The following DPYD variants were observed in gnomAD, a reference collection of about 807,000 sequenced individuals.
DPYD encodes the protein dihydropyrimidine dehydrogenase [NADP(+)].
A neutral mutation model predicts 116.2 loss-of-function variants in DPYD; 109 were observed. The ratio of observed to expected loss-of-function variants is 0.94; its 90% CI spans 0.80 to 1.10. DPYD has a LOEUF of 1.10. Ranked by LOEUF, DPYD falls within the 50% of genes least tolerant of loss-of-function variation. DPYD has a pLI of 0.00. For missense variants in DPYD, 1,302 were observed against 1,254.5 expected (o/e 1.04, Z -0.57); for synonymous variants, 440 against 432.0 (o/e 1.02, Z -0.23).
At chr1:97,910,932 T>C (rs1255276831) in intron 1 of DPYD, among the ~76,000 whole-genome samples, 1 of 152,082 alleles carries the variant, frequency 6.6e-6, no homozygotes, top group African/African-American at 2.4e-5. Flanking sequence ...ATTTTACTCT[T>C]ACATTAAAAT....
intron 2 of DPYD, among the ~76,000 whole-genome samples, chr1:97,833,777 G>A (rs945827931): frequency 6.6e-6 from 1 of 151,908 alleles, no homozygotes; most frequent in Non-Finnish European, 1.5e-5. Context: ...TTTATATGGT[G>A]AAATAGAAAA....
chr1:97,669,783 A>G (rs1057027653), intron 8 of DPYD, among the ~76,000 whole-genome samples: 4 of 152,174 alleles, frequency 2.6e-5, no homozygotes, highest in African/African-American at 9.6e-5. Context: ...TACTTTGGTA[A>G]GATTGTTCTA....
chr1:97,718,095 A>G (rs1427083246), intron 5 of DPYD, among the ~76,000 whole-genome samples: 2 of 152,040 alleles, frequency 1.3e-5, no homozygotes, highest in East Asian at 3.9e-4. Flanking sequence ...GCAATGTGAA[A>G]GTATTCCCTT....
chr1:97,644,606 GT>G, intron 8 of DPYD, among the ~76,000 whole-genome samples: 1 of 149,048 alleles, frequency 6.7e-6, no homozygotes, highest in Non-Finnish European at 1.5e-5. Context: ...CTTGTTTTTT[GT>G]TTTTTGTTTT....
At chr1:97,173,402 A>G (rs571608921) in intron 20 of DPYD, among the ~76,000 whole-genome samples, 5 of 150,188 alleles carry the variant, frequency 3.3e-5, no homozygotes, top group South Asian at 4.3e-4. Context: ...ATATGTGTGT[A>G]TATACGTACG....
intron 16 of DPYD, among the ~76,000 whole-genome samples, chr1:97,339,744 TTA>T (rs1478354226): frequency 1.3e-5 from 2 of 152,204 alleles, no homozygotes; most frequent in Non-Finnish European, 2.9e-5. Flanking sequence ...TTGTTTTAGT[TTA>T]TGTGATGATA....
chr1:97,847,079 G>A (rs1670335671), intron 2 of DPYD, among the ~76,000 whole-genome samples: 1 of 152,308 alleles, frequency 6.6e-6, no homozygotes, highest in Non-Finnish European at 1.5e-5. Context: ...CCAACGGATT[G>A]CCATGAATTT....
intron 12 of DPYD, among the ~76,000 whole-genome samples, chr1:97,537,822 G>C (rs948856587): frequency 3.9e-5 from 6 of 152,138 alleles, no homozygotes; most frequent in Admixed American, 3.9e-4. Context: ...TTGAAGAAAT[G>C]GAAGACATGA....
chr1:97,399,368 A>G (rs955042899), intron 14 of DPYD, among the ~76,000 whole-genome samples: 2 of 152,184 alleles, frequency 1.3e-5, no homozygotes, highest in African/African-American at 2.4e-5. Flanking sequence ...TATAGTTTGA[A>G]GTCAGGTAGC....
intron 18 of DPYD, among the ~76,000 whole-genome samples, chr1:97,275,150 G>T (rs1253803649): frequency 6.6e-6 from 1 of 152,188 alleles, no homozygotes; most frequent in Non-Finnish European, 1.5e-5. Context: ...AGTGGCAGGG[G>T]ATGGCAACAG....
At chr1:97,290,421 C>T (rs1310493605) in intron 18 of DPYD, among the ~76,000 whole-genome samples, 1 of 152,162 alleles carries the variant, frequency 6.6e-6, no homozygotes, top group African/African-American at 2.4e-5. Context: ...CATCACGCTA[C>T]CTGACTTCAA....
intron 13 of DPYD, among the ~76,000 whole-genome samples, chr1:97,493,010 T>C (rs756994271): frequency 1.6e-4 from 25 of 152,154 alleles, no homozygotes; most frequent in Non-Finnish European, 3.4e-4. Context: ...GAATGAAACG[T>C]TGGATTGGCT....
chr1:97,539,112 TTTG>T lies in DPYD; in HGVS notation c.1524+10445_1524+10447del, dbSNP rs145783847. Among the ~76,000 whole-genome samples, 397 of 152,266 alleles carry T rather than the reference TTTG, an allele frequency of 2.6e-3. 3 individuals are homozygous for T. Among genetic ancestry groups the T allele is most frequent in the African/African-American group, 9.2e-3 (383 of 41,574 alleles). ...AAGCCAACAATGAAAAAATTAACTT[TTTG>T]TTGTTGTTTTTATTGTTGTTGAAGG... On this transcript the variant is annotated intron_variant, in intron 12 of 22. Coordinates refer to ENST00000370192, the MANE Select transcript of DPYD (RefSeq NM_000110.4).
At chr1:97,799,739 T>A (rs1047411156) in intron 3 of DPYD, among the ~76,000 whole-genome samples, 5 of 151,968 alleles carry the variant, frequency 3.3e-5, no homozygotes, top group Non-Finnish European at 5.9e-5. Flanking sequence ...TCAAAAATGA[T>A]ACATGAAAAA....
At chr1:97,570,280 C>T (rs1415305606) in intron 11 of DPYD, among the ~76,000 whole-genome samples, 1 of 151,928 alleles carries the variant, frequency 6.6e-6, no homozygotes, top group Non-Finnish European at 1.5e-5. Context: ...TTTTCATTTA[C>T]AATATTATTG....
intron 21 of DPYD, among the ~76,000 whole-genome samples, chr1:97,086,156 C>A (rs1439174077): frequency 6.6e-6 from 1 of 152,000 alleles, no homozygotes; most frequent in African/African-American, 2.4e-5. Flanking sequence ...TGGGTTCAAG[C>A]GATTCTCCTC....
At chr1:97,192,655 T>G (rs1044852647) in intron 20 of DPYD, among the ~76,000 whole-genome samples, 1 of 152,174 alleles carries the variant, frequency 6.6e-6, no homozygotes, top group Non-Finnish European at 1.5e-5. Flanking sequence ...AGATACTGAT[T>G]AGATTTTAAT....
At chr1:97,171,575 T>C (rs113632506) in intron 20 of DPYD, among the ~76,000 whole-genome samples, 16 of 152,302 alleles carry the variant, frequency 1.1e-4, no homozygotes, top group African/African-American at 3.6e-4. Flanking sequence ...GCATGGGACC[T>C]AGGACAACTT....
chr1:97,727,155 A>G (rs1663312144), intron 4 of DPYD, among the ~76,000 whole-genome samples: 1 of 151,762 alleles, frequency 6.6e-6, no homozygotes, highest in Non-Finnish European at 1.5e-5. Context: ...TCAGAGTAAG[A>G]AGTCATTTCA....
Sources: allele counts gnomAD v4.1 joint callset (sites outside exome capture counted in the v4.1 genomes callset), GRCh38; gene constraint gnomAD v4.1.1; transcripts MANE v1.5; gene names NCBI Gene and HGNC (gene_info 2026-07-23, HGNC 2026-07-21).